TTC33: variants seen among roughly 807,000 people sequenced by gnomAD.
TTC33 encodes tetratricopeptide repeat protein 33.
In TTC33, 24 loss-of-function variants were observed where a neutral mutation model predicts 29.4. The ratio of observed to expected loss-of-function variants is 0.82; its 90% CI spans 0.59 to 1.15. TTC33 has a LOEUF of 1.15. TTC33 is among the 50% of genes most tolerant of loss of function. The pLI, the probability that TTC33 is intolerant of heterozygous loss-of-function variation, is 0.00. For synonymous variants in TTC33, 107 were observed against 100.3 expected, an observed-to-expected ratio of 1.07 and a Z score of -0.40; for missense variants, 286 against 310.4, an observed-to-expected ratio of 0.92 and a Z score of 0.59.
At chr5:40,716,548 T>TAAAAA in intron 4 of TTC33, 50 bp from the exon 5 acceptor site, 1 of 1,210,920 alleles carries the variant, frequency 8.3e-7, no homozygotes, top group Non-Finnish European at 1.2e-6. Flanking sequence ...AATTAGTATG[T>TAAAAA]TTAATACAAT....
rs1741960635 is a variant in TTC33, at chr5:40,714,493, AT to A, written c.*1651del. The A allele has an allele frequency of 6.6e-6, 1 of 152,258 alleles. No homozygotes were observed. The highest frequency in any genetic ancestry group is 2.4e-5 in the African/African-American group (1 of 41,438). 9.4% of individuals were successfully genotyped at this position (152,258 alleles called of 1,614,324 possible). On this transcript the variant is annotated 3_prime_UTR_variant, in exon 5 of 5. Coordinates refer to ENST00000337702, the MANE Select transcript of TTC33 (RefSeq NM_012382.3). The stretch of plus-strand genomic sequence containing the variant: ...TTCAAAATGCAGAAAAAAACTATTT[AT>A]TCACAAATTACACAAAAAACAAACA...
Position 40,730,305 on chromosome 5 carries a change from T to G in TTC33, c.260A>C (p.Gln87Pro). Residue 87 changes from glutamine to proline, a missense_variant, in exon 3 of 5, where the codon CAG (glutamine) becomes CCG (proline). Coordinates refer to ENST00000337702, the MANE Select transcript of TTC33 (RefSeq NM_012382.3). ...EAIQKWDEAL[Q>P]LTPNDATLYE... ...TAGGGTAGCATCATTTGGAGTTAAC[T>G]GTAGTGCTTCATCCCACTTCTGAAT... 6.2e-7 allele frequency: 1 copy of G among 1,612,770 alleles called. No homozygotes were observed. Among genetic ancestry groups the G allele is most frequent in the Non-Finnish European group, 8.5e-7 (1 of 1,179,168 alleles).
intron 4 of TTC33, among the ~76,000 whole-genome samples, chr5:40,722,382 A>C (rs1742157662): frequency 7.0e-6 from 1 of 142,678 alleles, no homozygotes; most frequent in Non-Finnish European, 1.5e-5. Flanking sequence ...CTGGGATGTG[A>C]GGAGCCCCTC....
intron 4 of TTC33, among the ~76,000 whole-genome samples, chr5:40,723,934 AT>A (rs1311699646): frequency 1.3e-5 from 2 of 152,208 alleles, no homozygotes; most frequent in Non-Finnish European, 2.9e-5. Flanking sequence ...ACCCTTGTAT[AT>A]TGTTAGTAAA....
At chr5:40,735,642 C>T (rs1215353217) in intron 2 of TTC33, among the ~76,000 whole-genome samples, 1 of 152,112 alleles carries the variant, frequency 6.6e-6, no homozygotes, top group African/African-American at 2.4e-5. Flanking sequence ...TCCACAAACA[C>T]AGATGATTGT....
At chr5:40,755,156 T>C (rs1440968336) in intron 1 of TTC33, among the ~76,000 whole-genome samples, 1 of 152,162 alleles carries the variant, frequency 6.6e-6, no homozygotes, top group Non-Finnish European at 1.5e-5. Context: ...CAAAGATCCC[T>C]ATAGTAGGCG....
intron 4 of TTC33, among the ~76,000 whole-genome samples, chr5:40,719,449 T>A (rs560169837): frequency 6.6e-6 from 1 of 152,366 alleles, no homozygotes; most frequent in South Asian, 2.1e-4. Context: ...TATCTATTTG[T>A]CAGTTGATGG....
intron 2 of TTC33, among the ~76,000 whole-genome samples, chr5:40,731,252 T>C (rs1333660534): frequency 1.3e-5 from 2 of 152,116 alleles, no homozygotes; most frequent in Admixed American, 1.3e-4. Context: ...GGTTGGACTG[T>C]TTGTCCAATC....
chr5:40,750,347 A>G (rs1443282518), intron 1 of TTC33, among the ~76,000 whole-genome samples: 1 of 152,102 alleles, frequency 6.6e-6, no homozygotes, highest in Non-Finnish European at 1.5e-5. Context: ...AGGCAGGTAG[A>G]GGGCTTGAGC....
At chr5:40,725,920 G>A (rs562100286) in intron 4 of TTC33, among the ~76,000 whole-genome samples, 4 of 151,680 alleles carry the variant, frequency 2.6e-5, no homozygotes, top group Admixed American at 2.6e-4. Context: ...CGAGCAGCTG[G>A]GACTACAGGC....
At chr5:40,747,964 T>G (rs573303877) in intron 1 of TTC33, among the ~76,000 whole-genome samples, 1 of 151,686 alleles carries the variant, frequency 6.6e-6, no homozygotes, top group South Asian at 2.1e-4. Flanking sequence ...TAGCTGGGAT[T>G]ATAGGCAGGC....
Position 40,711,938 on chromosome 5 carries a change from G to C in TTC33, c.*4207C>G, listed in dbSNP as rs1741905962. Among the ~76,000 whole-genome samples, 1 of 152,096 alleles carries C rather than the reference G, an allele frequency of 6.6e-6. No homozygotes were observed. Among genetic ancestry groups the C allele is most frequent in the Non-Finnish European group, 1.5e-5 (1 of 68,002 alleles). On this transcript the variant is annotated 3_prime_UTR_variant, in exon 5 of 5. Coordinates refer to ENST00000337702, the MANE Select transcript of TTC33 (RefSeq NM_012382.3). ...AGGTGGAGGGGAACCAACTGCAAAAGGGCTTTAGAGAACTTTTTGGGTGAT... is the reference window on the plus strand; with the variant it reads ...AGGTGGAGGGGAACCAACTGCAAAACGGCTTTAGAGAACTTTTTGGGTGAT...
intron 2 of TTC33, among the ~76,000 whole-genome samples, chr5:40,744,990 C>T (rs1404642312): frequency 6.6e-6 from 1 of 152,160 alleles, no homozygotes; most frequent in African/African-American, 2.4e-5. Flanking sequence ...AATCTCTACA[C>T]CTAACTTTCA....
rs767510711 is a variant in TTC33 at position 40,746,782 on chromosome 5, A to G, written c.221+16T>C. The G allele has an allele frequency of 1.9e-6, 3 of 1,586,650 alleles. No individual in the cohort carries two copies. In the East Asian group the frequency reaches 6.7e-5, roughly 36 times the overall value. ...TGTAAGCTCTTCTCCATAAAAAAAAAACTTTAAATACATACCTTTTATTTT... is the reference window on the plus strand; with the variant it reads ...TGTAAGCTCTTCTCCATAAAAAAAAGACTTTAAATACATACCTTTTATTTT... On this transcript the variant is annotated intron_variant, in intron 2 of 4. Coordinates refer to ENST00000337702, the MANE Select transcript of TTC33 (RefSeq NM_012382.3).
At chr5:40,733,319 T>C (rs147927585) in intron 2 of TTC33, among the ~76,000 whole-genome samples, 1 of 152,272 alleles carries the variant, frequency 6.6e-6, no homozygotes, top group Non-Finnish European at 1.5e-5. Flanking sequence ...GTCCATATAG[T>C]AAACATTTTA....
intron 4 of TTC33, among the ~76,000 whole-genome samples, chr5:40,724,577 G>C (rs1160740341): frequency 1.3e-5 from 2 of 149,648 alleles, no homozygotes; most frequent in African/African-American, 4.9e-5. Context: ...AGGTTGAAGT[G>C]AGCCGAGATC....
chr5:40,738,474 C>A (rs1439767429), intron 2 of TTC33, among the ~76,000 whole-genome samples: 9 of 127,580 alleles, frequency 7.1e-5, no homozygotes, highest in Middle Eastern at 3.4e-3. Flanking sequence ...CAATACAATA[C>A]AATACAATAC....
intron 1 of TTC33, among the ~76,000 whole-genome samples, chr5:40,755,556 A>G (rs867615978): frequency 9.9e-5 from 15 of 152,238 alleles, no homozygotes; most frequent in Middle Eastern, 6.8e-3. Context: ...CAGCTCCGCG[A>G]AGGTGCCACG....
At position 40,728,118 on chromosome 5, in the gene TTC33, C is replaced by A. The variant is rs539422891; in HGVS notation, c.435+227G>T. Among the ~76,000 whole-genome samples the A allele has an allele frequency of 6.6e-5, 10 of 151,778 alleles. No individual in the cohort carries two copies. In the East Asian group the frequency reaches 1.7e-3, roughly 26 times the overall value. On this transcript the variant is annotated intron_variant, in intron 4 of 4. Transcript: ENST00000337702. The stretch of plus-strand genomic sequence containing the variant: ...CTAACATGGTGACACCCCGTCTCTA[C>A]TAAAAATACAAAAACATTAGCCAGG...
Sources: gnomAD v4.1 joint callset for allele counts (sites outside exome capture counted in the v4.1 genomes callset) on GRCh38, gnomAD v4.1.1 for gene constraint, MANE v1.5 for transcripts, NCBI Gene and HGNC (gene_info 2026-07-23, HGNC 2026-07-21) for gene names.